NFAM1: variants seen among roughly 807,000 people sequenced by gnomAD.
NFAM1 encodes the protein NFAT activation molecule 1.
Under a neutral mutation model 29.0 loss-of-function variants are expected in NFAM1, and 17 were observed. The ratio of observed to expected loss-of-function variants is 0.59; its 90% CI spans 0.40 to 0.88. NFAM1 has a LOEUF of 0.88. NFAM1 is among the 40% of genes least tolerant of loss of function. NFAM1 has a pLI of 0.00. For missense variants in NFAM1, 324 were observed against 344.6 expected (o/e 0.94, Z 0.47); for synonymous variants, 175 against 147.2 (o/e 1.19, Z -1.36).
intron 1 of NFAM1, among the ~76,000 whole-genome samples, chr22:42,425,358 T>G (rs1930590712): frequency 6.6e-6 from 1 of 152,210 alleles, no homozygotes; most frequent in African/African-American, 2.4e-5. Flanking sequence ...TTTTAAAATA[T>G]ATATGCTTCT....
chr22:42,386,592 C>G (rs1175772005), intron 5 of NFAM1, among the ~76,000 whole-genome samples: 1 of 152,148 alleles, frequency 6.6e-6, no homozygotes, highest in South Asian at 2.1e-4. Context: ...AAGCCTAACA[C>G]CCCTGTCTGA....
intron 2 of NFAM1, among the ~76,000 whole-genome samples, 200 bp downstream of exon 2, chr22:42,411,207 A>G (rs563199179): frequency 3.0e-4 from 46 of 151,888 alleles, no homozygotes; most frequent in Admixed American, 7.2e-4. Context: ...TGTTTTTAGT[A>G]GAGACGGGGT....
At chr22:42,433,935 C>A (rs375743903), upstream of NFAM1, among the ~76,000 whole-genome samples, 3 of 152,100 alleles carry the variant, frequency 2.0e-5, no homozygotes, top group South Asian at 6.2e-4. Context: ...GGAAAAGCAT[C>A]GGTCTGTGCC....
upstream of NFAM1, among the ~76,000 whole-genome samples, chr22:42,436,408 G>A (rs773425509): frequency 9.9e-5 from 15 of 152,114 alleles, no homozygotes; most frequent in Non-Finnish European, 1.9e-4. Flanking sequence ...CTCAGGGGCC[G>A]ATCCACCCTC....
chr22:42,410,119 G>T (rs1162448661), intron 2 of NFAM1, among the ~76,000 whole-genome samples: 1 of 152,154 alleles, frequency 6.6e-6, no homozygotes, highest in Non-Finnish European at 1.5e-5. Context: ...ACTGCCTATT[G>T]TCAGCCACCA....
At chr22:42,397,223 G>A (rs529956827) in intron 4 of NFAM1, among the ~76,000 whole-genome samples, 1 of 152,286 alleles carries the variant, frequency 6.6e-6, no homozygotes, top group Non-Finnish European at 1.5e-5. Flanking sequence ...GGGGCAGCCT[G>A]GCCTCCTCGG....
chr22:42,386,484 A>G (rs1335961057), intron 5 of NFAM1, among the ~76,000 whole-genome samples: 1 of 152,016 alleles, frequency 6.6e-6, no homozygotes. Flanking sequence ...CTGAGGCCCT[A>G]TCATGACAAT....
intron 4 of NFAM1, among the ~76,000 whole-genome samples, chr22:42,390,957 C>T (rs1268654326): frequency 6.6e-6 from 1 of 152,112 alleles, no homozygotes; most frequent in Non-Finnish European, 1.5e-5. Context: ...AGGACCGTGG[C>T]GGTCGTAAGA....
rs1439104993 is a variant in NFAM1, at chr22:42,424,195, CACA to C, written c.121+8039_121+8041del. Among the ~76,000 whole-genome samples, 66 of 152,232 alleles carry C rather than the reference CACA, an allele frequency of 4.3e-4. 1 individual carries two copies. The highest frequency in any genetic ancestry group is 2.4e-3 in the Admixed American group (37 of 15,310). ...CTTTGGGAGGCCAAGGCGGGCGGAT[CACA>C]ACGTCAGGAGATTGAGACCATCCTG... On this transcript the variant is annotated intron_variant, in intron 1 of 5. Transcript: ENST00000329021.
intron 1 of NFAM1, among the ~76,000 whole-genome samples, chr22:42,415,953 G>A (rs1406992590): frequency 6.6e-6 from 1 of 152,222 alleles, no homozygotes; most frequent in Non-Finnish European, 1.5e-5. Context: ...AAGAGCCTGA[G>A]GCAGAAGGGC....
intron 4 of NFAM1, among the ~76,000 whole-genome samples, chr22:42,395,178 A>T (rs1929477247): frequency 6.6e-6 from 1 of 151,650 alleles, no homozygotes; most frequent in African/African-American, 2.4e-5. Flanking sequence ...TGTCTCAAAA[A>T]AAAAAATAAA....
chr22:42,433,415 C>T (rs1257698889), upstream of NFAM1, among the ~76,000 whole-genome samples: 2 of 152,204 alleles, frequency 1.3e-5, no homozygotes, highest in African/African-American at 4.8e-5. Flanking sequence ...ACCTCGGCCC[C>T]AGGAGGCAAA....
chr22:42,399,940 A>G (rs952185362), intron 3 of NFAM1, among the ~76,000 whole-genome samples: 5 of 152,214 alleles, frequency 3.3e-5, no homozygotes, highest in African/African-American at 1.2e-4. Flanking sequence ...AATGGCTCAG[A>G]GCATGGAGCC....
chr22:42,399,312 T>C (rs1929641898), intron 3 of NFAM1, among the ~76,000 whole-genome samples: 1 of 151,102 alleles, frequency 6.6e-6, no homozygotes, highest in Non-Finnish European at 1.5e-5. Flanking sequence ...CTGGGCATGG[T>C]TGTGGGCGCC....
At chr22:42,395,317 T>C (rs574045177) in intron 4 of NFAM1, among the ~76,000 whole-genome samples, 1 of 151,192 alleles carries the variant, frequency 6.6e-6, no homozygotes, top group Non-Finnish European at 1.5e-5. Flanking sequence ...CTACTAAAAA[T>C]ACAAAAAAAT....
chr22:42,400,570 T>C (rs1929693212), intron 3 of NFAM1, among the ~76,000 whole-genome samples: 1 of 152,126 alleles, frequency 6.6e-6, no homozygotes, highest in African/African-American at 2.4e-5. Flanking sequence ...TGAGCTGAGA[T>C]TGCACCATTG....
At position 42,383,192 on chromosome 22, in the gene NFAM1, A is replaced by C. The variant is rs1457929227; in HGVS notation, c.*1969T>G. ...AATGCTGAGTCCCAGCCAAGGGTCCAGGGTCTAGGAGCTGAGGTCAGAGAG... is the reference window on the plus strand; with the variant it reads ...AATGCTGAGTCCCAGCCAAGGGTCCCGGGTCTAGGAGCTGAGGTCAGAGAG... On this transcript the variant is annotated 3_prime_UTR_variant, in exon 6 of 6. Transcript: ENST00000329021. 1 of 152,882 alleles carries C rather than the reference A, an allele frequency of 6.5e-6. No individual in the cohort carries two copies. The highest frequency in any genetic ancestry group is 6.5e-5 in the Admixed American group (1 of 15,290). The allele number at this position is 152,882 out of a possible 1,614,324, so 9.5% of individuals were successfully genotyped here. A position where few individuals can be genotyped will look rare whatever the true frequency, so the allele number is the denominator to read the frequency against.
At chr22:42,390,424 A>T (rs557249527) in intron 4 of NFAM1, among the ~76,000 whole-genome samples, 6 of 152,186 alleles carry the variant, frequency 3.9e-5, no homozygotes, top group Non-Finnish European at 8.8e-5. Flanking sequence ...GAAGATAGGG[A>T]GGTTGGGATG....
Position 42,380,818 on chromosome 22 carries a change from G to C in NFAM1, c.*4343C>G, listed in dbSNP as rs2147082352. On this transcript the variant is annotated 3_prime_UTR_variant, in exon 6 of 6. Coordinates refer to ENST00000329021, the MANE Select transcript of NFAM1 (RefSeq NM_145912.8). ...ACAAAAAAAAAAAGAGAGAGAGAGA[G>C]AAAGAAAAAGGAAAAGCAGGTTTTG... The C allele has an allele frequency of 6.6e-6, 1 of 152,580 alleles. No homozygotes were observed. Among genetic ancestry groups the C allele is most frequent in the African/African-American group, 2.4e-5 (1 of 41,532 alleles). 9.5% of individuals were successfully genotyped at this position (152,580 alleles called of 1,614,324 possible). A position where few individuals can be genotyped will look rare whatever the true frequency, so the allele number is the denominator to read the frequency against.
Sources: gnomAD v4.1 joint callset for allele counts (sites outside exome capture counted in the v4.1 genomes callset) on GRCh38, gnomAD v4.1.1 for gene constraint, MANE v1.5 for transcripts, NCBI Gene and HGNC (gene_info 2026-07-23, HGNC 2026-07-21) for gene names.